Variants in SPATA9 observed in about 807,000 individuals in gnomAD.
SPATA9 encodes spermatogenesis-associated protein 9.
A neutral mutation model predicts 25.5 loss-of-function variants in SPATA9; 27 were observed. The observed-to-expected ratio is 1.06, with a 90% CI of 0.78 to 1.46. The LOEUF (loss-of-function observed/expected upper bound fraction) is 1.46, where lower values mean the gene tolerates loss of function less well. Among genes scored for constraint, SPATA9 ranks in the 40% most tolerant of loss-of-function variants. The pLI, the probability that SPATA9 is intolerant of heterozygous loss-of-function variation, is 0.00. For synonymous variants in SPATA9, 102 were observed against 105.7 expected, an observed-to-expected ratio of 0.97 and a Z score of 0.21; for missense variants, 282 against 297.5, an observed-to-expected ratio of 0.95 and a Z score of 0.38.
chr5:95,730,521 C>G, the SPATA9 span, among the ~76,000 whole-genome samples: 5 of 152,170 alleles, frequency 3.3e-5, no homozygotes, highest in Admixed American at 1.3e-4. Flanking sequence ...TCTAAAGTAT[C>G]TTTGCATTTA....
chr5:95,717,077 T>A, the SPATA9 span: 1 of 152,414 alleles, frequency 6.6e-6, no homozygotes, highest in Non-Finnish European at 1.5e-5. Flanking sequence ...TATATTCGGT[T>A]GCTTCTGTGA....
chr5:95,705,537 AT>A, the SPATA9 span, among the ~76,000 whole-genome samples: 1 of 152,130 alleles, frequency 6.6e-6, no homozygotes, highest in Non-Finnish European at 1.5e-5. Context: ...AGTGATTAAA[AT>A]TTTTCTTTAA....
chr5:95,711,300 C>T, the SPATA9 span, among the ~76,000 whole-genome samples: 46 of 152,288 alleles, frequency 3.0e-4, no homozygotes, highest in Non-Finnish European at 5.7e-4. Flanking sequence ...TCTCCAGATA[C>T]GCTCCCTCTC....
chr5:95,653,031 A>G (rs886976285), exon 9 of SPATA9: 45 of 1,523,566 alleles, frequency 3.0e-5, no homozygotes, highest in Non-Finnish European at 3.5e-5. Flanking sequence ...CTGTTTACCA[A>G]TCTTGCATAT....
At chr5:95,705,327 T>C in the SPATA9 span, among the ~76,000 whole-genome samples, 2 of 152,244 alleles carry the variant, frequency 1.3e-5, no homozygotes, top group East Asian at 3.9e-4. Flanking sequence ...TATGGTTGCA[T>C]TGGGGATAAA....
upstream of SPATA9, among the ~76,000 whole-genome samples, chr5:95,699,839 T>G (rs1754134253): frequency 6.6e-6 from 1 of 152,246 alleles, no homozygotes. Context: ...TACAAATATC[T>G]TATAGTTATT....
intron 1 of SPATA9, among the ~76,000 whole-genome samples, chr5:95,695,242 C>T (rs965202572): frequency 6.6e-6 from 1 of 152,154 alleles, no homozygotes; most frequent in African/African-American, 2.4e-5. Flanking sequence ...TGTCCTGCAG[C>T]TTTACCATGT....
downstream of SPATA9, chr5:95,652,844 C>T (rs1239355683): frequency 1.2e-5 from 5 of 405,348 alleles, no homozygotes; most frequent in African/African-American, 2.1e-5. Flanking sequence ...TCATGGACCC[C>T]TAGCTTTCTG....
intron 1 of SPATA9, among the ~76,000 whole-genome samples, chr5:95,697,595 C>T (rs153911): frequency 0.57 from 86,479 of 152,022 alleles, 24,786 homozygotes; most frequent in East Asian, 0.8. Flanking sequence ...AGGTAACCTC[C>T]GTCTCTTGTA....
At chr5:95,673,709 CT>C (rs1323640747) in intron 3 of SPATA9, among the ~76,000 whole-genome samples, 1 of 151,142 alleles carries the variant, frequency 6.6e-6, no homozygotes, top group African/African-American at 2.4e-5. Context: ...AGCTTTGTTT[CT>C]TTTTTGCTTT....
the SPATA9 span, among the ~76,000 whole-genome samples, chr5:95,705,107 G>C: frequency 7.1e-6 from 1 of 141,122 alleles, no homozygotes; most frequent in Non-Finnish European, 1.5e-5. Flanking sequence ...ACTGCACCTG[G>C]CTATTTTATT....
chr5:95,725,183 G>T, the SPATA9 span, among the ~76,000 whole-genome samples: 1 of 152,148 alleles, frequency 6.6e-6, no homozygotes, highest in Non-Finnish European at 1.5e-5. Flanking sequence ...TAAATAAATG[G>T]TGGCATATAT....
chr5:95,694,386 C>T (rs557129952), intron 1 of SPATA9, among the ~76,000 whole-genome samples: 7 of 152,220 alleles, frequency 4.6e-5, no homozygotes, highest in Admixed American at 2.6e-4. Context: ...AGCAAATTTC[C>T]TTGGTCAAAC....
At chr5:95,709,856 C>A in the SPATA9 span, among the ~76,000 whole-genome samples, 1 of 152,030 alleles carries the variant, frequency 6.6e-6, no homozygotes, top group East Asian at 1.9e-4. Flanking sequence ...TTTACCTGGG[C>A]GCAGGTTGTG....
chr5:95,709,572 C>A, the SPATA9 span, among the ~76,000 whole-genome samples: 3 of 152,130 alleles, frequency 2.0e-5, no homozygotes, highest in African/African-American at 7.2e-5. Context: ...GAGCTATGGA[C>A]GAGGTGAAGG....
intron 2 of SPATA9, among the ~76,000 whole-genome samples, chr5:95,679,319 T>G (rs1302473218): frequency 6.6e-6 from 1 of 152,224 alleles, no homozygotes; most frequent in African/African-American, 2.4e-5. Flanking sequence ...TGACCAGGCA[T>G]GTACATCTGC....
intron 3 of SPATA9, among the ~76,000 whole-genome samples, chr5:95,671,077 T>C (rs1304996018): frequency 6.6e-6 from 1 of 152,176 alleles, no homozygotes; most frequent in Non-Finnish European, 1.5e-5. Flanking sequence ...CTACTTATGT[T>C]CTCCAAATAA....
chr5:95,658,928 G>C lies in SPATA9; in HGVS notation c.475-15C>G. 1 of 1,568,666 alleles carries C rather than the reference G, an allele frequency of 6.4e-7. No individual in the cohort carries two copies. Among genetic ancestry groups the C allele is most frequent in the African/African-American group, 1.4e-5 (1 of 72,600 alleles). On this transcript the variant is annotated splice_polypyrimidine_tract_variant and intron_variant, in intron 4 of 4. Transcript: ENST00000274432. ...ACACAGACTGCCTATACAATAAAAA[G>C]AGTTTGTAAAGTGAAGTTTCTTTTT...
chr5:95,663,557 T>G (rs1051239815), intron 4 of SPATA9, among the ~76,000 whole-genome samples: 1 of 152,152 alleles, frequency 6.6e-6, no homozygotes, highest in African/African-American at 2.4e-5. Flanking sequence ...TATATTTTTC[T>G]CATGCACAGC....
Sources: allele counts gnomAD v4.1 joint callset (sites outside exome capture counted in the v4.1 genomes callset), GRCh38; gene constraint gnomAD v4.1.1; transcripts MANE v1.5; gene names NCBI Gene and HGNC (gene_info 2026-07-23, HGNC 2026-07-21).